TRIM37: variants seen among roughly 807,000 people sequenced by gnomAD.
TRIM37 encodes E3 ubiquitin-protein ligase TRIM37.
A neutral mutation model predicts 129.8 loss-of-function variants in TRIM37; 80 were observed. That is an observed-to-expected ratio of 0.62 (90% CI 0.51 to 0.74). The LOEUF (loss-of-function observed/expected upper bound fraction) is 0.74, where lower values mean the gene tolerates loss of function less well. Ranked by LOEUF, TRIM37 falls within the 30% of genes least tolerant of loss-of-function variation. The pLI is 0.00. For synonymous variants in TRIM37, 389 were observed against 387.1 expected (o/e 1.00, Z -0.06); for missense variants, 1,054 against 1,176.5 (o/e 0.90, Z 1.52).
chr17:59,059,957 A>G (rs1279763549), intron 12 of TRIM37, among the ~76,000 whole-genome samples: 1 of 152,054 alleles, frequency 6.6e-6, no homozygotes, highest in Non-Finnish European at 1.5e-5. Flanking sequence ...ATTCCCTCTA[A>G]TCCTGTCAAG....
In TRIM37 at chr17:59,104,387, G is replaced by C. The variant is rs779987594; in HGVS notation, c.29C>G (p.Ala10Gly). The C allele has an allele frequency of 6.2e-7, 1 of 1,613,946 alleles. No homozygotes were observed. Among genetic ancestry groups the C allele is most frequent in the Non-Finnish European group, 8.5e-7 (1 of 1,179,950 alleles). Reference protein sequence around the residue: MDEQSVESIAEVFRCFICME... With the variant: MDEQSVESIGEVFRCFICME... ...ACAAATGAAACATCGGAAAACCTCA[G>C]CAATGCTCTGAAAACAGTAAAAGAT... The change falls in exon 2 of 24, where the codon GCT (alanine) becomes GGT (glycine). Residue 10 changes from alanine (A) to glycine (G), a missense_variant. Physicochemically the swap from Ala to Gly is moderately conservative, Grantham distance 60. Coordinates refer to ENST00000262294, the MANE Select transcript of TRIM37 (RefSeq NM_015294.6).
chr17:59,032,970 G>A (rs958898836), intron 17 of TRIM37, among the ~76,000 whole-genome samples: 4 of 152,074 alleles, frequency 2.6e-5, no homozygotes, highest in African/African-American at 9.7e-5. Context: ...CAGATATTAT[G>A]CCTATACCCC....
chr17:59,001,854 CA>C, intron 22 of TRIM37, 140 bp from the exon 23 acceptor site: 1 of 1,230,616 alleles, frequency 8.1e-7, no homozygotes, highest in South Asian at 1.3e-5. Context: ...TAAACACTAA[CA>C]AAACAAAGAC....
At chr17:59,000,991 G>C (rs1363491133) in intron 23 of TRIM37, among the ~76,000 whole-genome samples, 1 of 151,974 alleles carries the variant, frequency 6.6e-6, no homozygotes, top group Non-Finnish European at 1.5e-5. Flanking sequence ...TCAAGAGTTC[G>C]AGACCAGCCT....
intron 24 of TRIM37, among the ~76,000 whole-genome samples, chr17:58,989,336 T>C (rs1259618434): frequency 6.6e-6 from 1 of 152,152 alleles, no homozygotes; most frequent in Non-Finnish European, 1.5e-5. Flanking sequence ...CTCAGGAGGC[T>C]GAGGCAGGAG....
intron 24 of TRIM37, chr17:58,983,399 T>C (rs2031502840): frequency 6.5e-6 from 1 of 153,316 alleles, no homozygotes. Flanking sequence ...TATGCTGCTC[T>C]TGGTTCTATA....
At chr17:59,048,187 C>T (rs2040002871) in intron 15 of TRIM37, among the ~76,000 whole-genome samples, 1 of 152,142 alleles carries the variant, frequency 6.6e-6, no homozygotes, top group South Asian at 2.1e-4. Context: ...AAAAAATACC[C>T]ACTATTAAGC....
At chr17:58,986,586 C>T (rs752698787) in intron 24 of TRIM37, among the ~76,000 whole-genome samples, 1 of 148,366 alleles carries the variant, frequency 6.7e-6, no homozygotes, top group Non-Finnish European at 1.5e-5. Context: ...AATCTCGGCT[C>T]ACTGCAACCT....
At chr17:59,052,668 A>C (rs2040456995) in intron 13 of TRIM37, among the ~76,000 whole-genome samples, 1 of 151,234 alleles carries the variant, frequency 6.6e-6, no homozygotes, top group Non-Finnish European at 1.5e-5. Context: ...AAAAAGAGAG[A>C]GATTGGCCGG....
intron 9 of TRIM37, among the ~76,000 whole-genome samples, chr17:59,065,511 G>A (rs1454165716): frequency 6.6e-6 from 1 of 152,148 alleles, no homozygotes; most frequent in Non-Finnish European, 1.5e-5. Flanking sequence ...TATAATCACA[G>A]AATGGACTAA....
the TRIM37 span, among the ~76,000 whole-genome samples, chr17:58,968,671 C>T: frequency 9.9e-5 from 15 of 152,150 alleles, no homozygotes; most frequent in Non-Finnish European, 1.9e-4. Flanking sequence ...GGACTCAGTG[C>T]GAGTTCAGTG....
intron 2 of TRIM37, among the ~76,000 whole-genome samples, chr17:59,093,566 C>T (rs113174769): frequency 6.6e-6 from 1 of 152,200 alleles, no homozygotes; most frequent in African/African-American, 2.4e-5. Flanking sequence ...TACACTTCCC[C>T]CTTCAGATAC....
chr17:58,981,739 T>C (rs1598722048), downstream of TRIM37: 1 of 110,408 alleles, frequency 9.1e-6, no homozygotes, highest in Non-Finnish European at 1.8e-5. Context: ...TTTCATAACC[T>C]GTTATGGTGC....
chr17:59,025,940 C>T (rs1165292830), intron 19 of TRIM37, among the ~76,000 whole-genome samples: 1 of 152,094 alleles, frequency 6.6e-6, no homozygotes, highest in African/African-American at 2.4e-5. Context: ...ATGGCCTATT[C>T]ATAACCTTTA....
intron 2 of TRIM37, among the ~76,000 whole-genome samples, chr17:59,103,585 C>T (rs1267589082): frequency 1.3e-5 from 2 of 151,626 alleles, no homozygotes; most frequent in African/African-American, 4.9e-5. Flanking sequence ...CATGATCCAC[C>T]CGCCTCGGCC....
intron 4 of TRIM37, among the ~76,000 whole-genome samples, chr17:59,087,305 G>A (rs1405427765): frequency 1.3e-5 from 2 of 152,070 alleles, no homozygotes; most frequent in Non-Finnish European, 2.9e-5. Flanking sequence ...ATGTTGGCCA[G>A]GCTGGTCTTG....
chr17:58,980,250 A>G (rs766885543), downstream of TRIM37: 1 of 1,614,190 alleles, frequency 6.2e-7, no homozygotes, highest in East Asian at 2.2e-5. This position sits in a 1 kb window ranked among gnomAD's most constrained non-coding sequence, Gnocchi z 4.7. Context: ...AAAGCTGTAA[A>G]TGTTAGTGAG....
chr17:59,055,125 T>A (rs1468999278), intron 13 of TRIM37, among the ~76,000 whole-genome samples: 1 of 151,306 alleles, frequency 6.6e-6, no homozygotes, highest in Non-Finnish European at 1.5e-5. Context: ...TCACCTGAGG[T>A]CGGGAGTTAG....
chr17:59,006,188 A>G (rs1413458959), intron 22 of TRIM37, among the ~76,000 whole-genome samples: 1 of 152,196 alleles, frequency 6.6e-6, no homozygotes, highest in Non-Finnish European at 1.5e-5. Flanking sequence ...ATCAAGCACT[A>G]AGATCTGGAA....
Sources: allele counts gnomAD v4.1 joint callset (sites outside exome capture counted in the v4.1 genomes callset), GRCh38; gene constraint gnomAD v4.1.1; non-coding constraint Gnocchi (gnomAD v3.1); transcripts MANE v1.5; gene names NCBI Gene and HGNC (gene_info 2026-07-23, HGNC 2026-07-21).